Variants in HNF4G observed in about 807,000 individuals in gnomAD.
HNF4G encodes the protein hepatocyte nuclear factor 4-gamma.
Under a neutral mutation model 50.9 loss-of-function variants are expected in HNF4G, and 21 were observed. That is an observed-to-expected ratio of 0.41 (90% CI 0.29 to 0.59). The LOEUF is 0.59. HNF4G is among the 20% of genes least tolerant of loss of function. HNF4G has a pLI of 0.26. For missense variants in HNF4G, 527 were observed against 559.4 expected (o/e 0.94, Z 0.58); for synonymous variants, 198 against 185.6 (o/e 1.07, Z -0.54).
Position 75,565,293 on chromosome 8 carries a change from C to A in HNF4G, c.*1197C>A, listed in dbSNP as rs1405486364. 2 of 152,040 alleles carry A rather than the reference C, an allele frequency of 1.3e-5. No homozygotes were observed. Among genetic ancestry groups the A allele is most frequent in the Non-Finnish European group, 2.9e-5 (2 of 68,030 alleles). 9.4% of individuals were successfully genotyped at this position (152,040 alleles called of 1,614,324 possible). ...TCATATTGCCTATAATATATATTTACCGATAAGCAGTGAGTGTAAAATTGT... is the reference window on the plus strand; with the variant it reads ...TCATATTGCCTATAATATATATTTAACGATAAGCAGTGAGTGTAAAATTGT... On this transcript the variant is annotated 3_prime_UTR_variant, in exon 10 of 10. Transcript: ENST00000396423.
intron 1 of HNF4G, among the ~76,000 whole-genome samples, chr8:75,482,040 T>A (rs1812393315): frequency 6.6e-6 from 1 of 152,186 alleles, no homozygotes. Flanking sequence ...AAAAATCTAG[T>A]GCAAACAACT....
intron 1 of HNF4G, among the ~76,000 whole-genome samples, chr8:75,476,386 C>T (rs547023545): frequency 6.6e-6 from 1 of 152,264 alleles, no homozygotes; most frequent in Non-Finnish European, 1.5e-5. Context: ...GTGAACAGTG[C>T]TGCAATAAAC....
chr8:75,558,951 C>T lies in HNF4G; in HGVS notation c.1037C>T (p.Thr346Met), dbSNP rs1286008027. The change falls in exon 8 of 10, where the codon ACG (threonine) becomes ATG (methionine). Residue 346 changes from threonine (T) to methionine (M), a missense_variant. Transcript: ENST00000396423. ...LLLLPTLQSI[T>M]WQMIEQIQFV... The stretch of plus-strand genomic sequence containing the variant: ...CTCCTGCCCACACTGCAGAGCATCA[C>T]GTGGCAAATGATTGAGCAAATACAG... 6.2e-7 allele frequency: 1 copy of T among 1,613,956 alleles called. No individual in the cohort carries two copies. Among genetic ancestry groups the T allele is most frequent in the Middle Eastern group, 1.6e-4 (1 of 6,062 alleles).
chr8:75,511,632 C>T (rs929927256), intron 2 of HNF4G, among the ~76,000 whole-genome samples: 4 of 152,238 alleles, frequency 2.6e-5, no homozygotes, highest in Non-Finnish European at 5.9e-5. Context: ...CGCTCTGTCG[C>T]CCAGGCTGGA....
At chr8:75,492,333 T>C (rs1303559773) in intron 2 of HNF4G, among the ~76,000 whole-genome samples, 1 of 152,156 alleles carries the variant, frequency 6.6e-6, no homozygotes, top group East Asian at 1.9e-4. Context: ...TGCTCTCTGG[T>C]TTAATAACTG....
chr8:75,486,593 C>A (rs1335386114), intron 1 of HNF4G, among the ~76,000 whole-genome samples: 1 of 152,128 alleles, frequency 6.6e-6, no homozygotes, highest in Non-Finnish European at 1.5e-5. Context: ...AATTTCAGTT[C>A]ATCTGTACCT....
At chr8:75,422,115 G>C (rs754395699) in intron 1 of HNF4G, among the ~76,000 whole-genome samples, 5 of 152,060 alleles carry the variant, frequency 3.3e-5, no homozygotes, top group Non-Finnish European at 5.9e-5. Flanking sequence ...GCTCCCTAGT[G>C]ACTATTCCAT....
chr8:75,427,707 G>A lies in HNF4G; in HGVS notation c.-144+19545G>A, dbSNP rs115323324. Among the ~76,000 whole-genome samples, 689 of 152,092 alleles carry A rather than the reference G, an allele frequency of 4.5e-3. 5 individuals carry two copies. Among genetic ancestry groups the A allele is most frequent in the African/African-American group, 0.014 (591 of 41,474 alleles). The stretch of plus-strand genomic sequence containing the variant: ...ATATATTAGTATAATAGGTTAAATT[G>A]TAATAAGCCTATGTTTCTTTGATTT... On this transcript the variant is annotated intron_variant, in intron 1 of 10. Coordinates refer to the HNF4G transcript ENST00000354370.
At chr8:75,466,868 G>A (rs1169205180) in intron 1 of HNF4G, among the ~76,000 whole-genome samples, 1 of 151,806 alleles carries the variant, frequency 6.6e-6, no homozygotes, top group African/African-American at 2.4e-5. Flanking sequence ...ATTTTTTGTA[G>A]AGATGGGGTT....
chr8:75,513,067 C>G (rs1049470779), intron 2 of HNF4G, among the ~76,000 whole-genome samples: 1 of 152,108 alleles, frequency 6.6e-6, no homozygotes. Context: ...GAAAGAGTCT[C>G]GCTCTTGTCC....
intron 1 of HNF4G, among the ~76,000 whole-genome samples, chr8:75,469,876 C>T (rs1339846571): frequency 6.6e-6 from 1 of 151,954 alleles, no homozygotes; most frequent in East Asian, 1.9e-4. Flanking sequence ...CATTTTTAAC[C>T]AGGAGTTTTA....
chr8:75,440,230 C>A (rs1016047695), intron 1 of HNF4G, among the ~76,000 whole-genome samples: 1 of 152,146 alleles, frequency 6.6e-6, no homozygotes, highest in Non-Finnish European at 1.5e-5. Flanking sequence ...GATATTTTTG[C>A]ATTCATCCAG....
At chr8:75,429,837 G>A (rs1391640643) in intron 1 of HNF4G, among the ~76,000 whole-genome samples, 1 of 152,124 alleles carries the variant, frequency 6.6e-6, no homozygotes, top group Admixed American at 6.6e-5. Flanking sequence ...TAGACTGAAT[G>A]TCTAGAGAAA....
chr8:75,499,767 G>C (rs1812874761), intron 2 of HNF4G, among the ~76,000 whole-genome samples: 1 of 151,850 alleles, frequency 6.6e-6, no homozygotes, highest in Non-Finnish European at 1.5e-5. Context: ...TTTGACAAGG[G>C]CACCAAGACA....
intron 1 of HNF4G, among the ~76,000 whole-genome samples, chr8:75,428,540 C>T (rs1810937455): frequency 6.6e-6 from 1 of 152,028 alleles, no homozygotes; most frequent in African/African-American, 2.4e-5. Context: ...CTGATACAAT[C>T]TAATCAAGAA....
chr8:75,556,301 A>G (rs1431409519), intron 6 of HNF4G, among the ~76,000 whole-genome samples: 1 of 152,152 alleles, frequency 6.6e-6, no homozygotes, highest in Non-Finnish European at 1.5e-5. Context: ...TAAAAATAAA[A>G]AAGAGATGTT....
intron 2 of HNF4G, among the ~76,000 whole-genome samples, chr8:75,502,540 T>G (rs1812957861): frequency 6.6e-6 from 1 of 152,142 alleles, no homozygotes; most frequent in Non-Finnish European, 1.5e-5. Context: ...AGTAAGCTTT[T>G]AAACATATAC....
chr8:75,511,803 C>T (rs1201386198), intron 2 of HNF4G, among the ~76,000 whole-genome samples: 4 of 152,098 alleles, frequency 2.6e-5, no homozygotes, highest in East Asian at 3.9e-4. Context: ...TGGTCTCGAT[C>T]TCCTGACCTC....
intron 1 of HNF4G, among the ~76,000 whole-genome samples, chr8:75,416,374 T>C (rs1168477132): frequency 6.6e-6 from 1 of 152,176 alleles, no homozygotes; most frequent in Non-Finnish European, 1.5e-5. Context: ...ATTTTCTTTT[T>C]TTTCTTCAGT....
Sources: gnomAD v4.1 joint callset for allele counts (sites outside exome capture counted in the v4.1 genomes callset) on GRCh38, gnomAD v4.1.1 for gene constraint, MANE v1.5 for transcripts, NCBI Gene and HGNC (gene_info 2026-07-23, HGNC 2026-07-21) for gene names.